Variants in GREM2 observed in about 807,000 individuals in gnomAD.
GREM2 encodes gremlin-2.
A neutral mutation model predicts 14.2 loss-of-function variants in GREM2; 11 were observed. That is an observed-to-expected ratio of 0.78 (90% confidence interval 0.49 to 1.28). The LOEUF (loss-of-function observed/expected upper bound fraction) is 1.28, where lower values mean the gene tolerates loss of function less well. Among genes scored for constraint, GREM2 ranks in the 50% most tolerant of loss-of-function variants. The probability of loss-of-function intolerance (pLI) is 0.00; values close to 1 mark genes in which losing one functional copy is unlikely to be tolerated. For missense variants in GREM2, 210 were observed against 218.5 expected (o/e 0.96, Z 0.24); for synonymous variants, 98 against 97.6 (o/e 1.00, Z -0.02).
intron 1 of GREM2, among the ~76,000 whole-genome samples, chr1:240,565,444 G>A (rs963234811): frequency 6.6e-6 from 1 of 152,082 alleles, no homozygotes; most frequent in African/African-American, 2.4e-5. Flanking sequence ...TGGTTTTGTA[G>A]GCTATGTTTT....
intron 1 of GREM2, among the ~76,000 whole-genome samples, chr1:240,524,604 A>T (rs1678181880): frequency 6.6e-6 from 1 of 152,210 alleles, no homozygotes; most frequent in South Asian, 2.1e-4. Context: ...TTCCCCAGGG[A>T]CCTGAGATAT....
chr1:240,496,952 C>T (rs1677434155), intron 1 of GREM2, among the ~76,000 whole-genome samples: 4 of 151,880 alleles, frequency 2.6e-5, no homozygotes, highest in Admixed American at 2.6e-4. Context: ...ACCCGGGAGG[C>T]AGAGGTTGCA....
At chr1:240,583,796 G>A (rs1572410632) in intron 1 of GREM2, among the ~76,000 whole-genome samples, 2 of 152,072 alleles carry the variant, frequency 1.3e-5, no homozygotes, top group East Asian at 3.9e-4. Flanking sequence ...TAGAGATGGG[G>A]TTTCACCTTG....
chr1:240,506,641 A>G (rs1313050222), intron 1 of GREM2, among the ~76,000 whole-genome samples: 3 of 152,226 alleles, frequency 2.0e-5, no homozygotes, highest in African/African-American at 7.2e-5. Flanking sequence ...TACCAAAAGC[A>G]TTCTCCATTT....
chr1:240,574,070 A>G (rs1679310650), intron 1 of GREM2, among the ~76,000 whole-genome samples: 1 of 151,874 alleles, frequency 6.6e-6, no homozygotes, highest in Admixed American at 6.6e-5. Flanking sequence ...ACAGGCACCC[A>G]CCACCATACC....
intron 1 of GREM2, among the ~76,000 whole-genome samples, chr1:240,599,252 A>G (rs887575044): frequency 9.6e-5 from 14 of 146,132 alleles, no homozygotes; most frequent in African/African-American, 3.6e-4. Flanking sequence ...GGGGCAACAG[A>G]GTGAGACTCT....
chr1:240,554,474 A>G (rs1678916287), intron 1 of GREM2, among the ~76,000 whole-genome samples: 1 of 151,782 alleles, frequency 6.6e-6, no homozygotes, highest in Non-Finnish European at 1.5e-5. Context: ...AATAATATGT[A>G]TATACATATT....
At chr1:240,535,730 T>G (rs1572387615) in intron 1 of GREM2, among the ~76,000 whole-genome samples, 2 of 137,990 alleles carry the variant, frequency 1.4e-5, no homozygotes, top group African/African-American at 5.5e-5. Flanking sequence ...ACCTGGGAGG[T>G]GGAGGTTGCA....
chr1:240,570,986 A>G (rs969750836), intron 1 of GREM2, among the ~76,000 whole-genome samples: 1 of 152,216 alleles, frequency 6.6e-6, no homozygotes, highest in African/African-American at 2.4e-5. Context: ...AAATACCTAC[A>G]TATTGAAATC....
intron 1 of GREM2, among the ~76,000 whole-genome samples, chr1:240,557,170 T>TAAA (rs200102958): frequency 1.4e-4 from 20 of 139,386 alleles, no homozygotes; most frequent in African/African-American, 4.7e-4. Context: ...TCTGTCTCCA[T>TAAA]AAAAAAAAAA....
chr1:240,576,542 C>G (rs1679377496), intron 1 of GREM2, among the ~76,000 whole-genome samples: 1 of 152,056 alleles, frequency 6.6e-6, no homozygotes, highest in Non-Finnish European at 1.5e-5. Flanking sequence ...AACCATGAAA[C>G]CACACAAGGA....
In GREM2 at chr1:240,558,649, C is replaced by T. The variant is rs192833862; in HGVS notation, c.-2+53235G>A. 1.6e-4 allele frequency among the ~76,000 whole-genome samples: 24 copies of T among 152,116 alleles called. No homozygotes were observed. The East Asian group carries it at 2.3e-3, about 15-fold the overall frequency. On this transcript the variant is annotated intron_variant, in intron 1 of 1. Coordinates refer to ENST00000318160, the MANE Select transcript of GREM2 (RefSeq NM_022469.4). ...AAATGTGGGAAAAGCCTTCCCTGGA[C>T]GCCCTGTGATTGGTTAGACCAGCAG...
At chr1:240,610,681 G>T (rs1007108195) in intron 1 of GREM2, among the ~76,000 whole-genome samples, 14 of 152,306 alleles carry the variant, frequency 9.2e-5, no homozygotes, top group African/African-American at 3.4e-4. Context: ...ATCAGTGAAT[G>T]GTTTGGATAT....
chr1:240,555,750 T>C (rs1192630797), intron 1 of GREM2, among the ~76,000 whole-genome samples: 1 of 152,186 alleles, frequency 6.6e-6, no homozygotes, highest in Non-Finnish European at 1.5e-5. Flanking sequence ...GTTTAAAAAA[T>C]TTGTACTGGA....
At chr1:240,524,738 T>C (rs1678184435) in intron 1 of GREM2, among the ~76,000 whole-genome samples, 1 of 152,206 alleles carries the variant, frequency 6.6e-6, no homozygotes, top group Non-Finnish European at 1.5e-5. Context: ...ATGAAATGTG[T>C]TTATTTTTTG....
At chr1:240,585,600 G>A (rs1279906578) in intron 1 of GREM2, among the ~76,000 whole-genome samples, 1 of 151,532 alleles carries the variant, frequency 6.6e-6, no homozygotes, top group Non-Finnish European at 1.5e-5. Context: ...CGTGGTGGCG[G>A]GCGCCTGTAA....
chr1:240,563,372 T>TTC (rs1219612857), intron 1 of GREM2, among the ~76,000 whole-genome samples: 2 of 152,210 alleles, frequency 1.3e-5, no homozygotes, highest in Non-Finnish European at 2.9e-5. Context: ...GTGGATGGAC[T>TTC]TCTCTCTGTT....
chr1:240,564,372 G>A (rs1679134402), intron 1 of GREM2, among the ~76,000 whole-genome samples: 1 of 151,896 alleles, frequency 6.6e-6, no homozygotes, highest in African/African-American at 2.4e-5. Context: ...GCCAGGTGCA[G>A]TCACATGCGC....
intron 1 of GREM2, among the ~76,000 whole-genome samples, chr1:240,544,437 G>T (rs549538751): frequency 1.3e-5 from 2 of 152,064 alleles, no homozygotes; most frequent in East Asian, 3.9e-4. Context: ...GTGAGCCACC[G>T]CGCCTGGCCA....
Sources: allele counts gnomAD v4.1 joint callset (sites outside exome capture counted in the v4.1 genomes callset), GRCh38; gene constraint gnomAD v4.1.1; transcripts MANE v1.5; gene names NCBI Gene and HGNC (gene_info 2026-07-23, HGNC 2026-07-21).